TEC: variants seen among roughly 807,000 people sequenced by gnomAD.
TEC encodes tyrosine-protein kinase Tec.
TEC carries 72 observed loss-of-function variants against 93.0 expected under a neutral mutation model. The ratio of observed to expected loss-of-function variants is 0.77; its 90% CI spans 0.64 to 0.94. TEC has a LOEUF of 0.94. Among genes scored for constraint, TEC ranks in the 40% least tolerant of loss-of-function variants. The pLI, the probability that TEC is intolerant of heterozygous loss-of-function variation, is 0.00. For missense variants in TEC, 630 were observed against 757.9 expected, an observed-to-expected ratio of 0.83 and a Z score of 1.98; for synonymous variants, 249 against 247.7, an observed-to-expected ratio of 1.01 and a Z score of -0.05.
intron 1 of TEC, among the ~76,000 whole-genome samples, chr4:48,229,037 A>G (rs1202764792): frequency 1.3e-5 from 2 of 152,212 alleles, no homozygotes; most frequent in Non-Finnish European, 2.9e-5. Flanking sequence ...TGGCATTTGA[A>G]TTGCTTCAGG....
intron 1 of TEC, among the ~76,000 whole-genome samples, chr4:48,232,145 T>C (rs1723663874): frequency 6.6e-6 from 1 of 151,118 alleles, no homozygotes. Context: ...AAAAACTAGC[T>C]GGGTGAGGTG....
intron 11 of TEC, among the ~76,000 whole-genome samples, chr4:48,148,083 C>G (rs888174624): frequency 6.6e-6 from 1 of 151,924 alleles, no homozygotes; most frequent in African/African-American, 2.4e-5. Flanking sequence ...TGGGGCTGGG[C>G]TGGTGAAGGG....
chr4:48,159,933 A>T (rs1720559624), intron 8 of TEC, among the ~76,000 whole-genome samples: 1 of 152,050 alleles, frequency 6.6e-6, no homozygotes, highest in Non-Finnish European at 1.5e-5. Flanking sequence ...CATGAGGGAG[A>T]TCTCTACCTC....
intron 2 of TEC, among the ~76,000 whole-genome samples, chr4:48,178,197 C>T (rs925630139): frequency 8.7e-6 from 1 of 115,110 alleles, no homozygotes; most frequent in Non-Finnish European, 1.8e-5. Context: ...TGAAGAGAAC[C>T]CAGCGGCCTC....
At chr4:48,215,374 G>T (rs1233610396) in intron 2 of TEC, among the ~76,000 whole-genome samples, 2 of 152,106 alleles carry the variant, frequency 1.3e-5, no homozygotes, top group Admixed American at 6.6e-5. Flanking sequence ...AGGCGTGGTG[G>T]CACGCATCTA....
intron 9 of TEC, chr4:48,155,903 G>T (rs1720379990): frequency 6.6e-6 from 1 of 152,136 alleles, no homozygotes; most frequent in Non-Finnish European, 1.5e-5. Context: ...TGTGTGTTTT[G>T]AACTATTTAA....
rs184957197 is a variant in TEC, at chr4:48,145,655, C to G, written c.1082-76G>C. 1,251 of 1,504,596 alleles carry G rather than the reference C, an allele frequency of 8.3e-4. 4 individuals carry two copies. The highest frequency in any genetic ancestry group is 6.1e-4 in the Non-Finnish European group (674 of 1,098,022). The allele number at this position is 1,504,596 out of a possible 1,614,324, so 93.2% of individuals were successfully genotyped here. A position where few individuals can be genotyped will look rare whatever the true frequency, so the allele number is the denominator to read the frequency against. On this transcript the variant is annotated intron_variant, in intron 12 of 17. Coordinates refer to ENST00000381501, the MANE Select transcript of TEC (RefSeq NM_003215.3). ...TGAATCAGAGAGGGGGAAAAAGAACCTACAACCAAGATCAACCTCAAAATT... is the reference window on the plus strand; with the variant it reads ...TGAATCAGAGAGGGGGAAAAAGAACGTACAACCAAGATCAACCTCAAAATT...
chr4:48,163,860 A>T, intron 7 of TEC, 93 bp from the exon 8 acceptor site: 1 of 624,292 alleles, frequency 1.6e-6, no homozygotes, highest in Non-Finnish European at 2.5e-6. Context: ...AAAGCATGAC[A>T]TTGCTTAAAG....
chr4:48,182,891 T>A (rs1487117255), intron 2 of TEC, among the ~76,000 whole-genome samples: 1 of 152,054 alleles, frequency 6.6e-6, no homozygotes, highest in Non-Finnish European at 1.5e-5. Context: ...ATCTGAGAAG[T>A]CATTTATCTC....
At chr4:48,196,212 G>C (rs1722297629) in intron 2 of TEC, among the ~76,000 whole-genome samples, 1 of 152,200 alleles carries the variant, frequency 6.6e-6, no homozygotes, top group Admixed American at 6.5e-5. Flanking sequence ...TCCCTACTCA[G>C]TGTGGGCAGG....
At chr4:48,180,463 T>C (rs1242261425) in intron 2 of TEC, among the ~76,000 whole-genome samples, 1 of 152,140 alleles carries the variant, frequency 6.6e-6, no homozygotes, top group Non-Finnish European at 1.5e-5. Flanking sequence ...AGTCTAGTAA[T>C]GATCAAGCAA....
At chr4:48,150,155 G>C (rs979097298) in intron 10 of TEC, among the ~76,000 whole-genome samples, 1 of 152,110 alleles carries the variant, frequency 6.6e-6, no homozygotes, top group Non-Finnish European at 1.5e-5. Context: ...GTTGCTCTTA[G>C]GGTAAAGCTC....
intron 9 of TEC, among the ~76,000 whole-genome samples, chr4:48,155,574 T>C (rs1168694283): frequency 6.6e-6 from 1 of 152,210 alleles, no homozygotes; most frequent in Admixed American, 6.5e-5. Context: ...GTCCATGCTG[T>C]TTCAGGTGAT....
At chr4:48,217,040 T>C (rs2109620426) in intron 2 of TEC, among the ~76,000 whole-genome samples, 1 of 152,106 alleles carries the variant, frequency 6.6e-6, no homozygotes, top group Admixed American at 6.5e-5. Flanking sequence ...ACTGTTTTAA[T>C]ACAAAATAAT....
intron 1 of TEC, among the ~76,000 whole-genome samples, chr4:48,244,079 G>A (rs924365984): frequency 1.1e-4 from 17 of 152,014 alleles, no homozygotes; most frequent in Non-Finnish European, 2.2e-4. Context: ...CCAGGCCAAG[G>A]GCTCAGTGTT....
chr4:48,234,432 T>C (rs1723723987), intron 1 of TEC, among the ~76,000 whole-genome samples: 1 of 152,074 alleles, frequency 6.6e-6, no homozygotes, highest in Non-Finnish European at 1.5e-5. Flanking sequence ...AATCCCAAAA[T>C]GAATGACACT....
intron 1 of TEC, among the ~76,000 whole-genome samples, chr4:48,240,123 T>A (rs1181861139): frequency 3.9e-5 from 6 of 152,122 alleles, no homozygotes; most frequent in Admixed American, 3.9e-4. Flanking sequence ...TGGAAGAGTA[T>A]AGACAAAATA....
At chr4:48,174,037 GTTATAC>G (rs914935660) in intron 3 of TEC, among the ~76,000 whole-genome samples, 2 of 152,094 alleles carry the variant, frequency 1.3e-5, no homozygotes, top group Admixed American at 6.6e-5. Flanking sequence ...TACTTTCTTA[GTTATAC>G]TTAAGTTATA....
At chr4:48,261,702 G>T (rs1724500579) in intron 1 of TEC, among the ~76,000 whole-genome samples, 1 of 152,060 alleles carries the variant, frequency 6.6e-6, no homozygotes, top group South Asian at 2.1e-4. Flanking sequence ...GTTTCACCTT[G>T]TAAGTATCTC....
Sources: allele counts gnomAD v4.1 joint callset (sites outside exome capture counted in the v4.1 genomes callset), GRCh38; gene constraint gnomAD v4.1.1; transcripts MANE v1.5; gene names NCBI Gene and HGNC (gene_info 2026-07-23, HGNC 2026-07-21).